MERTK: variants seen among roughly 807,000 people sequenced by gnomAD.
MERTK encodes the protein MER proto-oncogene, tyrosine kinase.
In MERTK, 69 loss-of-function variants were observed where a neutral mutation model predicts 99.3. That is an observed-to-expected ratio of 0.70 (90% CI 0.57 to 0.85). The LOEUF (loss-of-function observed/expected upper bound fraction) is 0.85, where lower values mean the gene tolerates loss of function less well. MERTK is among the 40% of genes least tolerant of loss of function. The pLI, the probability that MERTK is intolerant of heterozygous loss-of-function variation, is 0.00. For synonymous variants in MERTK, 426 were observed against 467.6 expected (o/e 0.91, Z 1.15); for missense variants, 1,125 against 1,249.4 (o/e 0.90, Z 1.50).
At chr2:111,980,192 G>C (rs1047678545) in intron 7 of MERTK, among the ~76,000 whole-genome samples, 2 of 152,168 alleles carry the variant, frequency 1.3e-5, no homozygotes, top group African/African-American at 4.8e-5. Context: ...CCAAGTGGGG[G>C]AGGAGGGGAA....
chr2:111,956,052 G>T (rs1407520064), intron 4 of MERTK, among the ~76,000 whole-genome samples: 2 of 151,946 alleles, frequency 1.3e-5, no homozygotes, highest in Non-Finnish European at 1.5e-5. Context: ...AACCAACATG[G>T]CACATGTATA....
At chr2:111,991,568 A>G (rs1676616669) in intron 8 of MERTK, among the ~76,000 whole-genome samples, 1 of 152,166 alleles carries the variant, frequency 6.6e-6, no homozygotes, top group Non-Finnish European at 1.5e-5. Flanking sequence ...AATATTAAAA[A>G]AAAAGGTTAA....
intron 1 of MERTK, among the ~76,000 whole-genome samples, chr2:111,899,469 G>T (rs1303202985): frequency 6.6e-6 from 1 of 152,132 alleles, no homozygotes; most frequent in African/African-American, 2.4e-5. Context: ...AACTTACAGT[G>T]CTCGGCAGCG....
At position 111,898,700 on chromosome 2, in the gene MERTK, C is replaced by T. The variant is rs776960616; in HGVS notation, c.-36C>T. On this transcript the variant is annotated 5_prime_UTR_variant, in exon 1 of 19. Transcript: ENST00000295408. The stretch of plus-strand genomic sequence containing the variant: ...AGGTTCGGGACGTCCATCTGTCCAT[C>T]CGTCCGGAGAGAAATTACAGATCCG... 129 of 1,597,968 alleles carry T rather than the reference C, an allele frequency of 8.1e-5. No individual in the cohort carries two copies. The highest frequency in any genetic ancestry group is 1.1e-4 in the Non-Finnish European group (124 of 1,172,372).
intron 18 of MERTK, among the ~76,000 whole-genome samples, chr2:112,027,527 C>T: frequency 6.6e-6 from 1 of 152,052 alleles, no homozygotes. Context: ...CTATATTAGA[C>T]ACTGGGATGA....
intron 4 of MERTK, among the ~76,000 whole-genome samples, chr2:111,962,529 T>A (rs1296320618): frequency 2.6e-5 from 4 of 152,120 alleles, no homozygotes; most frequent in Non-Finnish European, 4.4e-5. Context: ...AATTTTAGGA[T>A]TGTTTTAGAC....
In MERTK at chr2:111,968,230, C is replaced by G. The variant is rs780578672; in HGVS notation, c.938C>G (p.Pro313Arg). The G allele has an allele frequency of 5.0e-6, 8 of 1,613,474 alleles. No homozygotes were observed. The highest frequency in any genetic ancestry group is 6.8e-6 in the Non-Finnish European group (8 of 1,179,642). Residue 313 changes from proline (P) to arginine (R), a missense_variant, in exon 6 of 19, where the codon CCG becomes CGG. Coordinates refer to ENST00000295408, the MANE Select transcript of MERTK (RefSeq NM_006343.3). ...GTTCCTGGTTTTGATGGATACTCCC[C>G]GTTCAGGAATTGCAGCATTCAGGTA... ...SWVPGFDGYSPFRNCSIQVKE... is the reference protein window; with the variant it reads ...SWVPGFDGYSRFRNCSIQVKE...
chr2:111,988,116 T>C (rs921623881), intron 8 of MERTK, among the ~76,000 whole-genome samples: 32 of 151,912 alleles, frequency 2.1e-4, no homozygotes, highest in Non-Finnish European at 4.6e-4. Flanking sequence ...TCAGGGAAGC[T>C]GCAGTGTACT....
Position 111,909,054 on chromosome 2 carries a change from A to G in MERTK, c.61+10258A>G, listed in dbSNP as rs537519069. ...ACATCACTAATCATCAGGGAGATGTAAACCAAAATTACAACCTGGTTTCAT... is the reference window on the plus strand; with the variant it reads ...ACATCACTAATCATCAGGGAGATGTGAACCAAAATTACAACCTGGTTTCAT... On this transcript the variant is annotated intron_variant, in intron 1 of 18. Coordinates refer to ENST00000295408, the MANE Select transcript of MERTK (RefSeq NM_006343.3). 2.6e-5 allele frequency among the ~76,000 whole-genome samples: 4 copies of G among 152,384 alleles called. No individual in the cohort carries two copies. The South Asian group carries it at 8.3e-4, about 32-fold the overall frequency.
chr2:111,946,406 C>G (rs897990122), intron 3 of MERTK, among the ~76,000 whole-genome samples: 4 of 152,186 alleles, frequency 2.6e-5, no homozygotes, highest in Non-Finnish European at 5.9e-5. Context: ...GGAACCAGAT[C>G]TGTGAGTTCC....
chr2:112,001,064 C>T, intron 10 of MERTK, 137 bp from the exon 11 acceptor site: 8 of 694,314 alleles, frequency 1.2e-5, no homozygotes, highest in Non-Finnish European at 2.1e-5. Flanking sequence ...GAAAGAAACA[C>T]GTTTCTTCTA....
intron 8 of MERTK, among the ~76,000 whole-genome samples, chr2:111,991,413 A>G (rs1484454207): frequency 6.6e-6 from 1 of 151,968 alleles, no homozygotes; most frequent in Non-Finnish European, 1.5e-5. Context: ...TTTAGTAGAG[A>G]TGGAGTTTTG....
rs11683694 is a variant in MERTK at position 111,945,070 on chromosome 2, C to G, written c.583+10C>G. ...TACATCGAAGTACAAGGTAAGTCCACAGACCAGAGTCCCATTGCCAGAGAA... is the reference window on the plus strand; with the variant it reads ...TACATCGAAGTACAAGGTAAGTCCAGAGACCAGAGTCCCATTGCCAGAGAA... On this transcript the variant is annotated intron_variant, in intron 3 of 18. Coordinates refer to ENST00000295408, the MANE Select transcript of MERTK (RefSeq NM_006343.3). 1 of 1,599,792 alleles carries G rather than the reference C, an allele frequency of 6.3e-7. No homozygotes were observed. The highest frequency in any genetic ancestry group is 1.1e-5 in the South Asian group (1 of 90,736).
intron 1 of MERTK, among the ~76,000 whole-genome samples, chr2:111,922,525 A>T (rs1684484367): frequency 6.6e-6 from 1 of 152,216 alleles, no homozygotes; most frequent in South Asian, 2.1e-4. Context: ...AATTAAACTC[A>T]GCCCTTATCC....
chr2:111,981,655 T>C (rs114195542), intron 7 of MERTK, among the ~76,000 whole-genome samples: 2,456 of 152,262 alleles, frequency 0.016, 68 homozygotes, highest in African/African-American at 0.046. Flanking sequence ...TTAATAGATA[T>C]AGTTAAGTTA....
At position 112,029,269 on chromosome 2, in the gene MERTK, G is replaced by A; in HGVS notation, c.*405G>A. The A allele has an allele frequency of 5.1e-6, 5 of 974,964 alleles. No homozygotes were observed. Among genetic ancestry groups the A allele is most frequent in the Non-Finnish European group, 6.1e-6 (5 of 815,740 alleles). 60.4% of individuals were successfully genotyped at this position (974,964 alleles called of 1,614,324 possible). A position where few individuals can be genotyped will look rare whatever the true frequency, so the allele number is the denominator to read the frequency against. Reference sequence around the variant, plus strand: ...AAATGCCATATTTGACTTGGCTTCTGGTCTTGATGTATTTGATAAGAATGA... The same window carrying A: ...AAATGCCATATTTGACTTGGCTTCTAGTCTTGATGTATTTGATAAGAATGA... On this transcript the variant is annotated 3_prime_UTR_variant, in exon 19 of 19. Transcript: ENST00000295408.
chr2:112,022,815 C>G (rs891987468), intron 18 of MERTK, among the ~76,000 whole-genome samples: 2 of 152,184 alleles, frequency 1.3e-5, no homozygotes, highest in African/African-American at 4.8e-5. Flanking sequence ...ACACTCCACT[C>G]ACAGTAGTAG....
intron 2 of MERTK, 136 bp from the exon 3 acceptor site, chr2:111,944,824 G>A (rs1296998440): frequency 1.6e-5 from 12 of 747,448 alleles, no homozygotes; most frequent in South Asian, 4.4e-5. Flanking sequence ...AAACAACTGC[G>A]TACAATGGCC....
rs77735346 is a variant in MERTK, at chr2:112,019,935, G to A, written c.2189+413G>A. On this transcript the variant is annotated intron_variant, in intron 16 of 18. Transcript: ENST00000295408. ...TCCTTAGGAAGAAGTTTTGTACTTTGAATACATGGAAGCTGTCCTTTCACA... is the reference window on the plus strand; with the variant it reads ...TCCTTAGGAAGAAGTTTTGTACTTTAAATACATGGAAGCTGTCCTTTCACA... Among the ~76,000 whole-genome samples, 279 of 152,300 alleles carry A rather than the reference G, an allele frequency of 1.8e-3. 1 individual carries two copies. Among genetic ancestry groups the A allele is most frequent in the African/African-American group, 6.1e-3 (253 of 41,556 alleles).
Sources: gnomAD v4.1 joint callset for allele counts (sites outside exome capture counted in the v4.1 genomes callset) on GRCh38, gnomAD v4.1.1 for gene constraint, MANE v1.5 for transcripts, NCBI Gene and HGNC (gene_info 2026-07-23, HGNC 2026-07-21) for gene names.